The following CCNT1 variants were observed in gnomAD, a reference collection of about 807,000 sequenced individuals.
The protein encoded by CCNT1 is cyclin T1, also known as cyclin-T1.
Under a neutral mutation model 67.3 loss-of-function variants are expected in CCNT1, and 18 were observed. The ratio of observed to expected loss-of-function variants is 0.27; its 90% CI spans 0.18 to 0.40. CCNT1 has a LOEUF of 0.40. CCNT1 is among the 10% of genes least tolerant of loss of function. The pLI, the probability that CCNT1 is intolerant of heterozygous loss-of-function variation, is 1.00. For missense variants in CCNT1, 744 were observed against 884.9 expected, an observed-to-expected ratio of 0.84 and a Z score of 2.02; for synonymous variants, 333 against 310.3, an observed-to-expected ratio of 1.07 and a Z score of -0.77.
chr12:48,711,869 T>G (rs1940456098), intron 2 of CCNT1, among the ~76,000 whole-genome samples: 1 of 152,084 alleles, frequency 6.6e-6, no homozygotes, highest in East Asian at 1.9e-4. Flanking sequence ...CTCGGCTCAC[T>G]GCAAGCTCCA....
Position 48,693,252 on chromosome 12 carries a change from TGTCTGG to T in CCNT1, c.1956_1961del (p.Gln653_Thr654del). ...TATTCACAGTGTCTTGATAGTCTAT[TGTCTGG>T]GTCGTGTTGTGACCATTGGCCCCAG... is the stretch of plus-strand genomic sequence containing the variant. On this transcript the variant is annotated inframe_deletion, in exon 9 of 9. Coordinates refer to ENST00000261900, the MANE Select transcript of CCNT1 (RefSeq NM_001240.4). 1 of 1,614,216 alleles carries T rather than the reference TGTCTGG, an allele frequency of 6.2e-7. No individual in the cohort carries two copies. The highest frequency in any genetic ancestry group is 8.5e-7 in the Non-Finnish European group (1 of 1,180,026).
intron 6 of CCNT1, among the ~76,000 whole-genome samples, 194 bp from the exon 7 acceptor site, chr12:48,696,356 T>C (rs1592118614): frequency 6.6e-6 from 1 of 151,404 alleles, no homozygotes; most frequent in Admixed American, 6.6e-5. Context: ...AACCCACCTG[T>C]TCAGGTAACA....
intron 5 of CCNT1, among the ~76,000 whole-genome samples, chr12:48,699,331 A>C (rs551350499): frequency 1.3e-5 from 2 of 152,356 alleles, no homozygotes; most frequent in African/African-American, 4.8e-5. Context: ...TCTTGATACT[A>C]AACTAAATAA....
In CCNT1 at chr12:48,691,104, G is replaced by T. The variant is rs1203727444; in HGVS notation, c.*1929C>A. The T allele has an allele frequency of 6.6e-6, 1 of 152,198 alleles. No homozygotes were observed. The highest frequency in any genetic ancestry group is 2.4e-5 in the African/African-American group (1 of 41,430). 9.4% of individuals were successfully genotyped at this position (152,198 alleles called of 1,614,324 possible). ...AGTCAAGAAGTATTAATGATTTACA[G>T]GTCAACAGAGAGCTCCTCGTTTTAT... On this transcript the variant is annotated 3_prime_UTR_variant, in exon 9 of 9. Coordinates refer to ENST00000261900, the MANE Select transcript of CCNT1 (RefSeq NM_001240.4).
intron 6 of CCNT1, among the ~76,000 whole-genome samples, chr12:48,696,884 G>T (rs1940176280): frequency 6.6e-6 from 1 of 152,132 alleles, no homozygotes; most frequent in Non-Finnish European, 1.5e-5. Context: ...CCAGGCTGCA[G>T]TGCAGTGGGG....
At chr12:48,705,423 C>T (rs1428262789) in intron 3 of CCNT1, among the ~76,000 whole-genome samples, 1 of 151,620 alleles carries the variant, frequency 6.6e-6, no homozygotes, top group Non-Finnish European at 1.5e-5. Flanking sequence ...TGAGCCACCA[C>T]ATCTGGCTTT....
chr12:48,712,785 C>T (rs1251666606), intron 2 of CCNT1, among the ~76,000 whole-genome samples: 1 of 151,318 alleles, frequency 6.6e-6, no homozygotes, highest in Non-Finnish European at 1.5e-5. Flanking sequence ...ACTAAAAATA[C>T]AAAAATTAGC....
Position 48,693,813 on chromosome 12 carries a change from T to C in CCNT1, c.1401A>G (p.Ala467=). The part of the protein sequence containing the change: ...KTALKMRIPV[A]GGDKAASSKP... ...TTGAAGACGCAGCTTTATCTCCACC[T>C]GCCACTGGGATTCTCATTTTGAGAG... Residue 467 remains alanine, a synonymous_variant, in exon 9 of 9, where the codon GCA becomes GCG. Transcript: ENST00000261900. 1 of 1,614,228 alleles carries C rather than the reference T, an allele frequency of 6.2e-7. No homozygotes were observed. The highest frequency in any genetic ancestry group is 8.5e-7 in the Non-Finnish European group (1 of 1,180,044).
chr12:48,708,390 T>C (rs1325724470), intron 2 of CCNT1, among the ~76,000 whole-genome samples: 4 of 151,626 alleles, frequency 2.6e-5, no homozygotes, highest in African/African-American at 7.3e-5. Flanking sequence ...CTACTAAAAA[T>C]ACAAAAATTA....
intron 3 of CCNT1, among the ~76,000 whole-genome samples, chr12:48,703,820 G>T (rs1319320948): frequency 6.6e-6 from 1 of 151,800 alleles, no homozygotes; most frequent in Non-Finnish European, 1.5e-5. Flanking sequence ...CAGCTACTCG[G>T]GATGCTGAGG....
chr12:48,705,571 T>C (rs941977381), intron 3 of CCNT1, 197 bp downstream of exon 3: 2 of 565,046 alleles, frequency 3.5e-6, no homozygotes, highest in African/African-American at 3.8e-5. Context: ...CCACCATACC[T>C]GGCCTGATTT....
In CCNT1 at chr12:48,694,149, T is replaced by A. The variant is rs1940132059; in HGVS notation, c.1065A>T (p.Leu355Phe). ...AGGAATGATCAACTCCTGTAAGTGC[T>A]AAATTCTCACTAGTCCGATGACCCT... ...PTQGHRTSEN[L>F]ALTGVDHSLP... The change falls in exon 9 of 9, where the codon TTA becomes TTT. Residue 355 changes from leucine to phenylalanine, a missense_variant. This residue lies in a region of CCNT1 where 564 missense variants were observed against 574.2 expected (regional missense o/e 0.98). Transcript: ENST00000261900. 6.2e-7 allele frequency: 1 copy of A among 1,614,120 alleles called. No individual in the cohort carries two copies. The highest frequency in any genetic ancestry group is 8.5e-7 in the Non-Finnish European group (1 of 1,180,050).
chr12:48,706,976 G>A (rs955464573), intron 2 of CCNT1, among the ~76,000 whole-genome samples: 10 of 152,062 alleles, frequency 6.6e-5, no homozygotes, highest in African/African-American at 2.2e-4. Context: ...AAGCAGAGGC[G>A]GGGGATCACT....
At chr12:48,709,576 C>A (rs932100381) in intron 2 of CCNT1, among the ~76,000 whole-genome samples, 8 of 152,100 alleles carry the variant, frequency 5.3e-5, no homozygotes, top group Non-Finnish European at 1.2e-4. Flanking sequence ...ACAGTAACTA[C>A]ACAAATACCA....
intron 1 of CCNT1, among the ~76,000 whole-genome samples, chr12:48,716,254 G>A (rs180759988): frequency 1.0e-3 from 156 of 152,368 alleles, no homozygotes; most frequent in Non-Finnish European, 1.7e-3. Flanking sequence ...AGTTGGAAGG[G>A]CTGGTTAAAA....
chr12:48,689,068 C>G lies in CCNT1; in HGVS notation c.*3965G>C, dbSNP rs1940031324. On this transcript the variant is annotated 3_prime_UTR_variant, in exon 9 of 9. Coordinates refer to ENST00000261900, the MANE Select transcript of CCNT1 (RefSeq NM_001240.4). ...TTACCTGATGAAGGACATACTTGCTCTGGCTTCAATTAGCATGCTGTCAAG... is the reference window on the plus strand; with the variant it reads ...TTACCTGATGAAGGACATACTTGCTGTGGCTTCAATTAGCATGCTGTCAAG... 1 of 152,198 alleles carries G rather than the reference C, an allele frequency of 6.6e-6. No homozygotes were observed. The highest frequency in any genetic ancestry group is 1.5e-5 in the Non-Finnish European group (1 of 68,038). The allele number at this position is 152,198 out of a possible 1,614,324, so 9.4% of individuals were successfully genotyped here.
intron 4 of CCNT1, among the ~76,000 whole-genome samples, chr12:48,700,353 C>A (rs1940246034): frequency 6.7e-6 from 1 of 149,276 alleles, no homozygotes. Flanking sequence ...AAAAAGTTAA[C>A]TAGAATAAAT....
chr12:48,714,825 G>A lies in CCNT1; in HGVS notation c.162-301C>T, dbSNP rs574992196. On this transcript the variant is annotated intron_variant, in intron 1 of 8. Transcript: ENST00000261900. Reference sequence around the variant, plus strand: ...ATTTTTTTAAAAACTATATAAGGCGGCCAGGCGCGGTGGCTCACACTCTGT... The same window carrying A: ...ATTTTTTTAAAAACTATATAAGGCGACCAGGCGCGGTGGCTCACACTCTGT... Among the ~76,000 whole-genome samples, 3 of 152,240 alleles carry A rather than the reference G, an allele frequency of 2.0e-5. No homozygotes were observed. In the East Asian group the frequency reaches 5.8e-4, roughly 29 times the overall value.
intron 8 of CCNT1, 78 bp downstream of exon 8, chr12:48,695,681 T>C: frequency 1.1e-6 from 1 of 915,140 alleles, no homozygotes; most frequent in Admixed American, 2.0e-5. Flanking sequence ...CTAGGGTACA[T>C]ATTCAATACT....
Sources: gnomAD v4.1 joint callset for allele counts (sites outside exome capture counted in the v4.1 genomes callset) on GRCh38, gnomAD v4.1.1 for gene constraint, gnomAD v4.1.1 regional missense constraint, MANE v1.5 for transcripts, NCBI Gene and HGNC (gene_info 2026-07-23, HGNC 2026-07-21) for gene names.